The following RIMBP2 variants were observed in gnomAD, a reference collection of about 807,000 sequenced individuals.
RIMBP2 encodes RIMS-binding protein 2.
A neutral mutation model predicts 118.6 loss-of-function variants in RIMBP2; 48 were observed. The observed-to-expected ratio is 0.40, with a 90% confidence interval of 0.32 to 0.51. The LOEUF (loss-of-function observed/expected upper bound fraction) is 0.51, where lower values mean the gene tolerates loss of function less well. Among genes scored for constraint, RIMBP2 ranks in the 20% least tolerant of loss-of-function variants. The pLI, the probability that RIMBP2 is intolerant of heterozygous loss-of-function variation, is 0.41. For synonymous variants in RIMBP2, 762 were observed against 742.9 expected, an observed-to-expected ratio of 1.03 and a Z score of -0.42; for missense variants, 1,551 against 1,768.3, an observed-to-expected ratio of 0.88 and a Z score of 2.20.
At chr12:130,651,239 TGAGA>T (rs1429223558) in intron 1 of RIMBP2, 1 of 152,090 alleles carries the variant, frequency 6.6e-6, no homozygotes, top group Non-Finnish European at 1.5e-5. Context: ...CAGGCAGGTG[TGAGA>T]GAGATCAGCG....
chr12:130,442,135 T>C lies in RIMBP2; in HGVS notation c.1217A>G (p.Asp406Gly). Residue 406 changes from aspartate (D) to glycine (G), a missense_variant, in exon 11 of 23, where the codon GAC (aspartate) becomes GGC (glycine). By Grantham distance (94) the Asp-to-Gly change is moderately conservative (BLOSUM62 -1). Coordinates refer to ENST00000690449, the MANE Select transcript of RIMBP2 (RefSeq NM_001393629.1). The surrounding 1 kb of genome is among the most constrained non-coding windows in gnomAD (Gnocchi z 6.9). ...ELQCTLLVGK[D>G]VVVAPSHLRV... is the part of the protein sequence containing the mutation. ...CAGGTGGGAGGGGGCCACCACCACG[T>C]CCTTGCCCACCAGCAGCGTGCACTG... 1.9e-6 allele frequency: 3 copies of C among 1,614,170 alleles called. No homozygotes were observed. Among genetic ancestry groups the C allele is most frequent in the Non-Finnish European group, 2.5e-6 (3 of 1,180,010 alleles).
intron 2 of RIMBP2, among the ~76,000 whole-genome samples, chr12:130,600,725 GCCC>G (rs2059827064): frequency 6.6e-6 from 1 of 152,154 alleles, no homozygotes; most frequent in Non-Finnish European, 1.5e-5. Flanking sequence ...CTTGTGATAA[GCCC>G]CCTCACCCTA....
chr12:130,651,831 A>C (rs1480844644), intron 1 of RIMBP2, among the ~76,000 whole-genome samples: 1 of 152,238 alleles, frequency 6.6e-6, no homozygotes, highest in Non-Finnish European at 1.5e-5. Context: ...AGACTGAACA[A>C]GTCCTGTGTC....
intron 6 of RIMBP2, chr12:130,466,463 T>C (rs2080486594): frequency 6.6e-6 from 1 of 152,180 alleles, no homozygotes; most frequent in Admixed American, 6.5e-5. Flanking sequence ...CTCCTGGCCA[T>C]TCATTCTTTA....
Position 130,437,158 on chromosome 12 carries a change from G to T in RIMBP2, c.1790C>A (p.Ala597Asp). Residue 597 changes from alanine (A) to aspartate (D), a missense_variant, in exon 13 of 23, where the codon GCC becomes GAC. Physicochemically the swap from Ala to Asp is moderately radical, Grantham distance 126. This residue lies in a region of RIMBP2 where 1,038 missense variants were observed against 1,125.1 expected (regional missense o/e 0.92). Transcript: ENST00000690449. ...AGGCACCAGGAGCTCGGGGGGAACG[G>T]CAGCAACTGCAGAGTCCACGGACTC... ...QGESVDSAVA[A>D]VPPELLVPPT... 1 of 1,586,328 alleles carries T rather than the reference G, an allele frequency of 6.3e-7. No individual in the cohort carries two copies.
chr12:130,450,292 TG>T lies in RIMBP2; in HGVS notation c.505-17del. ...CATTCTCCATCTGTGAAAAAGGCAA[TG>T]GGTGTGTGGGTTATTGAAGCTGGAG... On this transcript the variant is annotated splice_polypyrimidine_tract_variant and intron_variant, in intron 8 of 22. Transcript: ENST00000690449. The surrounding 1 kb of genome is among the most constrained non-coding windows in gnomAD (Gnocchi z 4.8). 1 of 1,586,058 alleles carries T rather than the reference TG, an allele frequency of 6.3e-7. No homozygotes were observed. The highest frequency in any genetic ancestry group is 8.6e-7 in the Non-Finnish European group (1 of 1,159,520).
At chr12:130,630,665 T>TAA (rs2061936857) in intron 1 of RIMBP2, among the ~76,000 whole-genome samples, 2 of 152,150 alleles carry the variant, frequency 1.3e-5, no homozygotes, top group African/African-American at 4.8e-5. Flanking sequence ...GAGAAGGCCC[T>TAA]AAATACTTCC....
At chr12:130,713,930 C>A (rs1950144552) in intron 1 of RIMBP2, among the ~76,000 whole-genome samples, 1 of 152,206 alleles carries the variant, frequency 6.6e-6, no homozygotes. Context: ...TTCAAGGATC[C>A]TCAAAGTGGG....
chr12:130,457,213 C>A lies in RIMBP2; in HGVS notation c.154-513G>T, dbSNP rs1026840838. On this transcript the variant is annotated intron_variant, in intron 6 of 22. Transcript: ENST00000690449. Reference sequence around the variant, plus strand: ...AATTCTTCTCATCCAGGGCGCCCGCCCCCTCGGACTGTAGAACCCTTAAGA... The same window carrying A: ...AATTCTTCTCATCCAGGGCGCCCGCACCCTCGGACTGTAGAACCCTTAAGA... Among the ~76,000 whole-genome samples, 3 of 152,348 alleles carry A rather than the reference C, an allele frequency of 2.0e-5. No individual in the cohort carries two copies. The South Asian group carries it at 6.2e-4, about 32-fold the overall frequency.
intron 2 of RIMBP2, among the ~76,000 whole-genome samples, chr12:130,524,503 G>A (rs1482621453): frequency 2.0e-5 from 3 of 152,174 alleles, no homozygotes; most frequent in Non-Finnish European, 4.4e-5. Context: ...GGCTCTGGCT[G>A]GACAGGCACT....
Position 130,690,245 on chromosome 12 carries a change from T to C in RIMBP2, c.-352+25977A>G, listed in dbSNP as rs80031073. Among the ~76,000 whole-genome samples the C allele has an allele frequency of 9.8e-3, 1,496 of 152,212 alleles. 24 individuals are homozygous for C. Among genetic ancestry groups the C allele is most frequent in the African/African-American group, 0.034 (1,420 of 41,530 alleles). On this transcript the variant is annotated intron_variant, in intron 1 of 22. Transcript: ENST00000690449. The stretch of plus-strand genomic sequence containing the variant: ...GGCCTCCCTTTCTCAGGGCCCACCA[T>C]GCCCTGGGGGTGGGGATCATGGACA...
At chr12:130,428,711 G>A (rs2076953278) in intron 14 of RIMBP2, 2 of 176,632 alleles carry the variant, frequency 1.1e-5, no homozygotes, top group Non-Finnish European at 2.4e-5. Flanking sequence ...TCTGGTGACG[G>A]TGGGGATCAG....
intron 1 of RIMBP2, among the ~76,000 whole-genome samples, chr12:130,648,211 G>A (rs527404934): frequency 5.5e-5 from 8 of 145,588 alleles, no homozygotes; most frequent in African/African-American, 1.7e-4. Context: ...AGCTGTCAAG[G>A]GAAAAGGGGA....
At chr12:130,407,438 A>G (rs957923773) in intron 20 of RIMBP2, among the ~76,000 whole-genome samples, 3 of 152,188 alleles carry the variant, frequency 2.0e-5, no homozygotes, top group African/African-American at 7.2e-5. Context: ...CTCAGGTGGC[A>G]TCACCATTAG....
intron 2 of RIMBP2, among the ~76,000 whole-genome samples, chr12:130,572,659 T>A (rs1162009875): frequency 6.6e-6 from 1 of 151,596 alleles, no homozygotes; most frequent in Non-Finnish European, 1.5e-5. Context: ...ACACAAGAGA[T>A]GCAAACAGAA....
At position 130,646,099 on chromosome 12, in the gene RIMBP2, C is replaced by T. The variant is rs910830964; in HGVS notation, c.-351-17643G>A. Among the ~76,000 whole-genome samples the T allele has an allele frequency of 5.2e-3, 581 of 112,504 alleles. 10 individuals carry two copies. Among genetic ancestry groups the T allele is most frequent in the Admixed American group, 6.5e-3 (70 of 10,772 alleles). The allele number at this position is 112,504 out of a possible 152,430, so 73.8% of individuals were successfully genotyped here. A position where few individuals can be genotyped will look rare whatever the true frequency, so the allele number is the denominator to read the frequency against. ...CCTCCCTCACCACTTCCCTCTCCACCTCCCTCTCCACCTCCCTCACCACCT... is the reference window on the plus strand; with the variant it reads ...CCTCCCTCACCACTTCCCTCTCCACTTCCCTCTCCACCTCCCTCACCACCT... On this transcript the variant is annotated intron_variant, in intron 1 of 22. Transcript: ENST00000690449.
intron 2 of RIMBP2, among the ~76,000 whole-genome samples, chr12:130,608,747 A>C (rs967904363): frequency 1.3e-5 from 2 of 152,228 alleles, no homozygotes; most frequent in African/African-American, 4.8e-5. Context: ...GAATGGTTAA[A>C]TCTAGTTAAT....
chr12:130,505,894 T>TC (rs35049269), intron 4 of RIMBP2, among the ~76,000 whole-genome samples: 10,855 of 110,640 alleles, frequency 0.098, 803 homozygotes, highest in Admixed American at 0.17. Flanking sequence ...TCCAAACGCT[T>TC]CCCCAAAGAG....
At chr12:130,399,544 C>T in intron 22 of RIMBP2, 135 bp downstream of exon 22, 4 of 976,100 alleles carry the variant, frequency 4.1e-6, no homozygotes, top group Non-Finnish European at 6.0e-6. Context: ...CCCATGGCTT[C>T]AGGGCAGAGA....
Sources: allele counts gnomAD v4.1 joint callset (sites outside exome capture counted in the v4.1 genomes callset), GRCh38; gene constraint gnomAD v4.1.1; regional missense constraint gnomAD v4.1.1; non-coding constraint Gnocchi (gnomAD v3.1); transcripts MANE v1.5; gene names NCBI Gene and HGNC (gene_info 2026-07-23, HGNC 2026-07-21).